CCDC106: variants seen among roughly 807,000 people sequenced by gnomAD.
CCDC106 encodes coiled-coil domain-containing protein 106.
CCDC106 carries 17 observed loss-of-function variants against 24.7 expected under a neutral mutation model. That is an observed-to-expected ratio of 0.69 (90% confidence interval 0.47 to 1.03). CCDC106 has a LOEUF of 1.03. CCDC106 is among the 50% of genes least tolerant of loss of function. The pLI is 0.00. For synonymous variants in CCDC106, 211 were observed against 161.3 expected (o/e 1.31, Z -2.34); for missense variants, 337 against 388.9 (o/e 0.87, Z 1.12).
chr19:55,652,830 C>G lies in CCDC106; in HGVS notation c.*84C>G, dbSNP rs1191002969. 8.4e-7 allele frequency: 1 copy of G among 1,193,760 alleles called. No homozygotes were observed. The highest frequency in any genetic ancestry group is 2.3e-5 in the Admixed American group (1 of 43,566). The allele number at this position is 1,193,760 out of a possible 1,614,324, so 73.9% of individuals were successfully genotyped here. ...GACCTGCCCCTCTCCCCGCCGCGCCCCTGCCCCTCCTCCTCGCTCCCTGGG... is the reference window on the plus strand; with the variant it reads ...GACCTGCCCCTCTCCCCGCCGCGCCGCTGCCCCTCCTCCTCGCTCCCTGGG... On this transcript the variant is annotated 3_prime_UTR_variant, in exon 5 of 5. Transcript: ENST00000586790. This position sits in a 1 kb window ranked among gnomAD's most constrained non-coding sequence, Gnocchi z 5.9.
Position 55,651,548 on chromosome 19 carries a change from G to T in CCDC106, c.526+53G>T. 5 of 1,260,286 alleles carry T rather than the reference G, an allele frequency of 4.0e-6. No homozygotes were observed. The South Asian group carries it at 7.4e-5, about 19-fold the overall frequency. 78.1% of individuals were successfully genotyped at this position (1,260,286 alleles called of 1,614,324 possible). A position where few individuals can be genotyped will look rare whatever the true frequency, so the allele number is the denominator to read the frequency against. On this transcript the variant is annotated intron_variant, in intron 4 of 4. Coordinates refer to ENST00000586790, the MANE Select transcript of CCDC106 (RefSeq NM_001370470.1). ...GAGGGGCCCGGGCTGCTGAATTGCTGTGTGTCCTTCCCAGAGGTCCCCCTT... is the reference window on the plus strand; with the variant it reads ...GAGGGGCCCGGGCTGCTGAATTGCTTTGTGTCCTTCCCAGAGGTCCCCCTT...
chr19:55,652,347 C>T lies in CCDC106; in HGVS notation c.527-83C>T. 2 of 1,245,954 alleles carry T rather than the reference C, an allele frequency of 1.6e-6. No individual in the cohort carries two copies. Among genetic ancestry groups the T allele is most frequent in the East Asian group, 2.4e-5 (1 of 41,732 alleles). 77.2% of individuals were successfully genotyped at this position (1,245,954 alleles called of 1,614,324 possible). A position where few individuals can be genotyped will look rare whatever the true frequency, so the allele number is the denominator to read the frequency against. ...CTCTGCTCGCCGAGATCCTTTCTTC[C>T]CATGGCCGTTTCCCTTCCCGTGTCC... On this transcript the variant is annotated intron_variant, in intron 4 of 4. Coordinates refer to ENST00000586790, the MANE Select transcript of CCDC106 (RefSeq NM_001370470.1). The surrounding 1 kb of genome is among the most constrained non-coding windows in gnomAD (Gnocchi z 5.9).
rs760403510 is a variant in CCDC106, at chr19:55,649,504, G to A, written c.233G>A (p.Arg78His). Residue 78 changes from arginine to histidine, a missense_variant, in exon 3 of 5, where the codon CGC (arginine) becomes CAC (histidine). Arg to His is a conservative substitution (Grantham distance 29, BLOSUM62 0). Around this residue, in one of 2 missense-constraint regions of CCDC106, gnomAD observed 234 missense variants for 236.5 expected, o/e 0.99. Transcript: ENST00000586790. Reference sequence around the variant, plus strand: ...GAGAGGAACTCCTGGCTGCAGAAGCGCATCGAGGACCTGGAGGAAGAGAGG... The same window carrying A: ...GAGAGGAACTCCTGGCTGCAGAAGCACATCGAGGACCTGGAGGAAGAGAGG... ...ALERNSWLQK[R>H]IEDLEEERDF... is the part of the protein sequence containing the mutation. 3 of 1,614,112 alleles carry A rather than the reference G, an allele frequency of 1.9e-6. No homozygotes were observed. Among genetic ancestry groups the A allele is most frequent in the Non-Finnish European group, 2.5e-6 (3 of 1,179,982 alleles).
chr19:55,649,634 T>C (rs1368196133), intron 3 of CCDC106, 50 bp downstream of exon 3: 9 of 1,543,586 alleles, frequency 5.8e-6, no homozygotes, highest in Non-Finnish European at 7.1e-6. Flanking sequence ...CGCTACTGGG[T>C]ACCCGCTCAC....
chr19:55,652,973 C>T lies in CCDC106; in HGVS notation c.*227C>T, dbSNP rs1351336041. The T allele has an allele frequency of 9.6e-6, 5 of 522,938 alleles. No individual in the cohort carries two copies. Among genetic ancestry groups the T allele is most frequent in the African/African-American group, 8.1e-5 (4 of 49,392 alleles). 32.4% of individuals were successfully genotyped at this position (522,938 alleles called of 1,614,324 possible). A position where few individuals can be genotyped will look rare whatever the true frequency, so the allele number is the denominator to read the frequency against. On this transcript the variant is annotated 3_prime_UTR_variant, in exon 5 of 5. Transcript: ENST00000586790. The surrounding 1 kb of genome is among the most constrained non-coding windows in gnomAD (Gnocchi z 5.9). ...GCCCAGCCCTGTCCTCGCCGGGCCC[C>T]TTCCTCCTGGAAAACCAGGCAGGCG...
chr19:55,648,901 G>T lies in CCDC106; in HGVS notation c.-146G>T. The T allele has an allele frequency of 1.2e-6, 1 of 805,058 alleles. No homozygotes were observed. Among genetic ancestry groups the T allele is most frequent in the Non-Finnish European group, 2.1e-6 (1 of 475,768 alleles). 49.9% of individuals were successfully genotyped at this position (805,058 alleles called of 1,614,324 possible). ...AGGCTCCCTCCTCCCTCAGACCAGG[G>T]GTCCAGGCCAGAAGGTCCCTCCTGT... On this transcript the variant is annotated 5_prime_UTR_variant, in exon 1 of 5. Transcript: ENST00000586790.
Position 55,648,965 on chromosome 19 carries a change from C to T in CCDC106, c.-82C>T. ...CCCCAGGATGGACCCTCCAGTCCAT[C>T]TGCGTCTCTCCATTTGTGGCTGCCG... On this transcript the variant is annotated 5_prime_UTR_variant, in exon 1 of 5. Coordinates refer to ENST00000586790, the MANE Select transcript of CCDC106 (RefSeq NM_001370470.1). 2 of 1,384,914 alleles carry T rather than the reference C, an allele frequency of 1.4e-6. No individual in the cohort carries two copies. The highest frequency in any genetic ancestry group is 2.3e-5 in the East Asian group (1 of 43,838). The allele number at this position is 1,384,914 out of a possible 1,614,324, so 85.8% of individuals were successfully genotyped here.
chr19:55,649,390 C>T lies in CCDC106; in HGVS notation c.137-18C>T. 1 of 1,613,874 alleles carries T rather than the reference C, an allele frequency of 6.2e-7. No individual in the cohort carries two copies. Reference sequence around the variant, plus strand: ...CCCAGGGTGTGACCTGGTCCCCCCACCCTCGCTGTGTCCCTAGAGCCTCCG... The same window carrying T: ...CCCAGGGTGTGACCTGGTCCCCCCATCCTCGCTGTGTCCCTAGAGCCTCCG... On this transcript the variant is annotated intron_variant, in intron 2 of 4. Transcript: ENST00000586790.
At chr19:55,650,561 G>A (rs1331864287) in intron 3 of CCDC106, among the ~76,000 whole-genome samples, 1 of 152,176 alleles carries the variant, frequency 6.6e-6, no homozygotes, top group African/African-American at 2.4e-5. Flanking sequence ...AGGCAAGGGG[G>A]CTATGGTCTT....
rs1354851373 is a variant in CCDC106 at position 55,652,396 on chromosome 19, C to A, written c.527-34C>A. ...CCGCCCCCTCAGTCTTGTGCCCTGC[C>A]CCTCACTTTCGTGTCCCCGCCTCCA... On this transcript the variant is annotated intron_variant, in intron 4 of 4. Transcript: ENST00000586790. The surrounding 1 kb of genome is among the most constrained non-coding windows in gnomAD (Gnocchi z 5.9). The A allele has an allele frequency of 3.2e-6, 5 of 1,554,816 alleles. No individual in the cohort carries two copies. Among genetic ancestry groups the A allele is most frequent in the Non-Finnish European group, 4.4e-6 (5 of 1,142,856 alleles).
At position 55,650,960 on chromosome 19, in the gene CCDC106, G is replaced by A. The variant is rs965542331; in HGVS notation, c.314-323G>A. On this transcript the variant is annotated intron_variant, in intron 3 of 4. Transcript: ENST00000586790. ...CCAGAGGCTACTCTCCAGAGGTCCCGCCCAGTCCCCAGAAATTTCTCCCTC... is the reference window on the plus strand; with the variant it reads ...CCAGAGGCTACTCTCCAGAGGTCCCACCCAGTCCCCAGAAATTTCTCCCTC... Among the ~76,000 whole-genome samples the A allele has an allele frequency of 5.3e-5, 8 of 152,040 alleles. No homozygotes were observed. The East Asian group carries it at 1.2e-3, about 22-fold the overall frequency.
chr19:55,651,717 A>G (rs1260824840), intron 4 of CCDC106, among the ~76,000 whole-genome samples: 7 of 150,888 alleles, frequency 4.6e-5, no homozygotes, highest in Non-Finnish European at 8.9e-5. Flanking sequence ...GGAGTGGTGC[A>G]GTGGCGCATT....
chr19:55,650,056 C>G (rs1045388475), intron 3 of CCDC106, among the ~76,000 whole-genome samples: 3 of 152,180 alleles, frequency 2.0e-5, no homozygotes, highest in African/African-American at 7.2e-5. Flanking sequence ...CCTCCTGTCC[C>G]CCCCTCCCCT....
At chr19:55,651,207 GCAGCCTCTCT>G in intron 3 of CCDC106, 66 bp from the exon 4 acceptor site, 1 of 1,158,920 alleles carries the variant, frequency 8.6e-7, no homozygotes, top group South Asian at 1.2e-5. Flanking sequence ...TTCGGGGACT[GCAGCCTCTCT>G]CAGTCCCGGG....
At chr19:55,649,373 G>T (rs1261237001) in intron 2 of CCDC106, 35 bp from the exon 3 acceptor site, 1 of 1,613,634 alleles carries the variant, frequency 6.2e-7, no homozygotes, top group Admixed American at 1.7e-5. Context: ...GTCCCAGGGT[G>T]TGACCTGGTC....
Position 55,652,635 on chromosome 19 carries a change from C to CG in CCDC106, c.733dup (p.Glu245GlyfsTer79). ...TCGACCCCTCCAAGGAGCGCCTGCT[C>CG]GAGTACTCCCGCCGCTGCTTTCTGG... On this transcript the variant is annotated frameshift_variant, in exon 5 of 5. Transcript: ENST00000586790. LOFTEE classifies it high-confidence loss of function. This position sits in a 1 kb window ranked among gnomAD's most constrained non-coding sequence, Gnocchi z 5.9. 1 of 1,612,790 alleles carries CG rather than the reference C, an allele frequency of 6.2e-7. No homozygotes were observed. Among genetic ancestry groups the CG allele is most frequent in the South Asian group, 1.1e-5 (1 of 91,066 alleles).
chr19:55,649,190 G>A lies in CCDC106; in HGVS notation c.32-15G>A, dbSNP rs1163218960. 1 of 1,612,172 alleles carries A rather than the reference G, an allele frequency of 6.2e-7. No individual in the cohort carries two copies. Among genetic ancestry groups the A allele is most frequent in the Admixed American group, 1.7e-5 (1 of 60,016 alleles). Reference sequence around the variant, plus strand: ...GGGGAATTCTCTGGGGTAACCCGGGGCCTCTCCTCTCCAGTGAAGGACGAT... The same window carrying A: ...GGGGAATTCTCTGGGGTAACCCGGGACCTCTCCTCTCCAGTGAAGGACGAT... On this transcript the variant is annotated splice_polypyrimidine_tract_variant and intron_variant, in intron 1 of 4. Transcript: ENST00000586790.
rs1402317190 is a variant in CCDC106 at position 55,652,517 on chromosome 19, A to C, written c.614A>C (p.His205Pro). ...KLKSMSRAFE[H>P]HRVDRNTVAL... is the part of the protein sequence containing the mutation. ...AAGAGCATGTCGCGGGCCTTCGAGC[A>C]CCACCGCGTGGACAGGAACACCGTG... The change falls in exon 5 of 5, where the codon CAC becomes CCC. Residue 205 changes from histidine to proline, a missense_variant. By Grantham distance (77) the His-to-Pro change is moderately conservative. Transcript: ENST00000586790. The surrounding 1 kb of genome is among the most constrained non-coding windows in gnomAD (Gnocchi z 5.9). The C allele has an allele frequency of 6.2e-7, 1 of 1,613,284 alleles. No homozygotes were observed. Among genetic ancestry groups the C allele is most frequent in the Admixed American group, 1.7e-5 (1 of 59,996 alleles).
chr19:55,650,693 T>G (rs952363980), intron 3 of CCDC106, among the ~76,000 whole-genome samples: 3 of 152,198 alleles, frequency 2.0e-5, no homozygotes, highest in Non-Finnish European at 4.4e-5. Context: ...GGTTCCATCC[T>G]GGGTGACTGA....
Sources: gnomAD v4.1 joint callset for allele counts (sites outside exome capture counted in the v4.1 genomes callset) on GRCh38, gnomAD v4.1.1 for gene constraint, gnomAD v4.1.1 regional missense constraint, Gnocchi (gnomAD v3.1) non-coding constraint, MANE v1.5 for transcripts, NCBI Gene and HGNC (gene_info 2026-07-23, HGNC 2026-07-21) for gene names.